GORASP2: variants seen among roughly 807,000 people sequenced by gnomAD.
The protein encoded by GORASP2 is Golgi reassembly-stacking protein 2.
In GORASP2, 22 loss-of-function variants were observed where a neutral mutation model predicts 45.7. That is an observed-to-expected ratio of 0.48 (90% CI 0.34 to 0.69). The LOEUF is 0.69. Among genes scored for constraint, GORASP2 ranks in the 30% least tolerant of loss-of-function variants. GORASP2 has a pLI of 0.01. For missense variants in GORASP2, 491 were observed against 562.7 expected, an observed-to-expected ratio of 0.87 and a Z score of 1.29; for synonymous variants, 221 against 215.6, an observed-to-expected ratio of 1.02 and a Z score of -0.22.
intron 5 of GORASP2, 82 bp downstream of exon 5, chr2:170,951,540 G>A: frequency 9.2e-7 from 1 of 1,091,002 alleles, no homozygotes; most frequent in South Asian, 1.7e-5. Flanking sequence ...TTTTTATTTT[G>A]AAAGAAATTA....
intron 1 of GORASP2, among the ~76,000 whole-genome samples, chr2:170,944,521 G>A (rs1048636311): frequency 1.2e-4 from 19 of 152,144 alleles, no homozygotes; most frequent in African/African-American, 4.6e-4. Flanking sequence ...GTTTATTTTA[G>A]AATTCAAATT....
At chr2:170,940,491 A>C (rs1235554451) in intron 1 of GORASP2, among the ~76,000 whole-genome samples, 1 of 152,244 alleles carries the variant, frequency 6.6e-6, no homozygotes, top group African/African-American at 2.4e-5. Flanking sequence ...GTAGTTGAAC[A>C]TTCTTAATCC....
chr2:170,937,391 A>G (rs568272921), intron 1 of GORASP2, among the ~76,000 whole-genome samples: 2 of 152,172 alleles, frequency 1.3e-5, no homozygotes, highest in African/African-American at 2.4e-5. Context: ...TGAAGGGACA[A>G]GGTCTCGCCA....
chr2:170,933,593 C>T (rs6433267), intron 1 of GORASP2, among the ~76,000 whole-genome samples: 1 of 152,044 alleles, frequency 6.6e-6, no homozygotes, highest in Non-Finnish European at 1.5e-5. Context: ...AAACAAGGTT[C>T]TCTAAAAAAT....
Position 170,966,049 on chromosome 2 carries a change from G to T in GORASP2, c.1278G>T (p.Glu426Asp), listed in dbSNP as rs1168726742. 6.2e-7 allele frequency: 1 copy of T among 1,614,066 alleles called. No individual in the cohort carries two copies. The highest frequency in any genetic ancestry group is 8.5e-7 in the Non-Finnish European group (1 of 1,179,958). ...CTGCCAAGGCCCCCACCACCGTTGA[G>T]GACAGAGTCGGCGACTCCACCCCAG... ...PPTAKAPTTV[E>D]DRVGDSTPVS... Residue 426 changes from glutamate to aspartate, a missense_variant, in exon 10 of 10, where the codon GAG becomes GAT. Around this residue, in one of 2 missense-constraint regions of GORASP2, gnomAD observed 297 missense variants for 292.3 expected, o/e 1.02. Transcript: ENST00000234160.
intron 1 of GORASP2, among the ~76,000 whole-genome samples, chr2:170,936,458 G>A (rs570708484): frequency 1.5e-4 from 23 of 152,024 alleles, no homozygotes; most frequent in Non-Finnish European, 1.0e-4. Flanking sequence ...GGGCTCAAGC[G>A]ATCCTCTCGT....
intron 1 of GORASP2, among the ~76,000 whole-genome samples, chr2:170,940,155 TAAGG>T (rs748432492): frequency 3.2e-4 from 48 of 152,200 alleles, no homozygotes; most frequent in Non-Finnish European, 4.9e-4. Context: ...TCAGAAAACT[TAAGG>T]AAGATAATTT....
rs778379039 is a variant in GORASP2, at chr2:170,961,742, A to C, written c.903A>C (p.Thr301=). The change falls in exon 8 of 10, where the codon ACA becomes ACC. Residue 301 remains threonine, a synonymous_variant. Transcript: ENST00000234160. ...TGCCACCAATGAATCCAGCTACTAC[A>C]TTACCAGGTAACCACCAGGGGACTA... is the stretch of plus-strand genomic sequence containing the variant. The part of the protein sequence containing the change: ...TSVPPMNPAT[T]LPGLMPLPAG... The C allele has an allele frequency of 6.5e-7, 1 of 1,539,506 alleles. No individual in the cohort carries two copies. The highest frequency in any genetic ancestry group is 2.2e-5 in the East Asian group (1 of 44,544).
At chr2:170,952,009 A>G (rs1704310775) in intron 5 of GORASP2, among the ~76,000 whole-genome samples, 1 of 152,256 alleles carries the variant, frequency 6.6e-6, no homozygotes, top group Non-Finnish European at 1.5e-5. Flanking sequence ...CCAGGTTTGT[A>G]AATGCCCAGA....
In GORASP2 at chr2:170,965,402, A is replaced by G. The variant is rs902490727; in HGVS notation, c.1019-388A>G. Among the ~76,000 whole-genome samples, 3 of 152,182 alleles carry G rather than the reference A, an allele frequency of 2.0e-5. No homozygotes were observed. In the South Asian group the frequency reaches 6.3e-4, roughly 32 times the overall value. On this transcript the variant is annotated intron_variant, in intron 9 of 9. Transcript: ENST00000234160. ...TCTCCCTGTTGTCTGTCAAGAATGC[A>G]GCTGTAACTCAGCTTGCAGCTGGCA...
At chr2:170,956,286 G>A in intron 6 of GORASP2, 150 bp from the exon 7 acceptor site, 1 of 606,700 alleles carries the variant, frequency 1.6e-6, no homozygotes, top group South Asian at 2.0e-5. Context: ...AATTAGGAGG[G>A]AGTGTCTGGA....
intron 1 of GORASP2, chr2:170,929,894 G>A (rs774922213): frequency 2.5e-5 from 10 of 405,770 alleles, no homozygotes; most frequent in African/African-American, 4.4e-5. Context: ...CGGCCGAGTG[G>A]CCTGAAAGAC....
rs1448276479 is a variant in GORASP2, at chr2:170,966,427, G to T, written c.*297G>T. On this transcript the variant is annotated 3_prime_UTR_variant, in exon 10 of 10. Transcript: ENST00000234160. The stretch of plus-strand genomic sequence containing the variant: ...CTGGGGGTGTGCATCTTCGGGAAAG[G>T]TGGTGGCGGGGCGTCCACTAGGTTT... 2 of 461,508 alleles carry T rather than the reference G, an allele frequency of 4.3e-6. No individual in the cohort carries two copies. Among genetic ancestry groups the T allele is most frequent in the Non-Finnish European group, 7.8e-6 (2 of 255,342 alleles). The allele number at this position is 461,508 out of a possible 1,614,324, so 28.6% of individuals were successfully genotyped here.
In GORASP2 at chr2:170,948,358, A is replaced by G; in HGVS notation, c.72A>G (p.Glu24=). The G allele has an allele frequency of 6.3e-7, 1 of 1,593,226 alleles. No homozygotes were observed. The highest frequency in any genetic ancestry group is 8.6e-7 in the Non-Finnish European group (1 of 1,163,754). The stretch of plus-strand genomic sequence containing the variant: ...CGTTTTTGTTTCCGCAGGTACAAGA[A>G]AATTCCCCAGGACACAGAGCTGGTT... ...TEGYHVLRVQ[E]NSPGHRAGLE... The change falls in exon 2 of 10, where the codon GAA becomes GAG. Residue 24 remains glutamate, a synonymous_variant. Transcript: ENST00000234160.
rs2105325610 is a variant in GORASP2, at chr2:170,956,453, T to C, written c.717T>C (p.Val239=). The part of the protein sequence containing the change: ...DGFTEVQLSS[V]NPPSLSPPGT... ...TTTGGAAGGTCCAGCTGTCCTCAGTTAATCCCCCGTCTTTGTCACCACCAG... is the reference window on the plus strand; with the variant it reads ...TTTGGAAGGTCCAGCTGTCCTCAGTCAATCCCCCGTCTTTGTCACCACCAG... Residue 239 remains valine (V), a synonymous_variant, in exon 7 of 10, where the codon GTT becomes GTC. Coordinates refer to ENST00000234160, the MANE Select transcript of GORASP2 (RefSeq NM_015530.5). The C allele has an allele frequency of 6.2e-7, 1 of 1,612,618 alleles. No homozygotes were observed. The highest frequency in any genetic ancestry group is 8.5e-7 in the Non-Finnish European group (1 of 1,179,504).
At position 170,929,285 on chromosome 2, in the gene GORASP2, C is replaced by A. The variant is rs892994598; in HGVS notation, c.-56C>A. On this transcript the variant is annotated 5_prime_UTR_variant, in exon 1 of 10. Coordinates refer to ENST00000234160, the MANE Select transcript of GORASP2 (RefSeq NM_015530.5). ...ACGCGGAGGATTAGAGCAGGCGGTG[C>A]GCTGGGGGCGGGAGCAGCGCGGAGC... The A allele has an allele frequency of 9.1e-5, 116 of 1,277,434 alleles. No individual in the cohort carries two copies. In the African/African-American group the frequency reaches 1.7e-3, roughly 19 times the overall value. 79.1% of individuals were successfully genotyped at this position (1,277,434 alleles called of 1,614,324 possible).
chr2:170,942,225 A>G (rs2105316158), intron 1 of GORASP2, among the ~76,000 whole-genome samples: 1 of 152,252 alleles, frequency 6.6e-6, no homozygotes, highest in East Asian at 1.9e-4. Flanking sequence ...CTTTATTGTG[A>G]TAAAAGTTAC....
intron 1 of GORASP2, among the ~76,000 whole-genome samples, chr2:170,938,614 A>AT (rs1400477124): frequency 6.6e-6 from 1 of 152,192 alleles, no homozygotes; most frequent in East Asian, 1.9e-4. Context: ...GATTTTCTTC[A>AT]TTGTAGAATC....
Position 170,950,745 on chromosome 2 carries a change from G to T in GORASP2, c.435+455G>T, listed in dbSNP as rs1179690688. Among the ~76,000 whole-genome samples, 7 of 152,306 alleles carry T rather than the reference G, an allele frequency of 4.6e-5. No homozygotes were observed. In the South Asian group the frequency reaches 1.4e-3, roughly 32 times the overall value. On this transcript the variant is annotated intron_variant, in intron 4 of 9. Coordinates refer to ENST00000234160, the MANE Select transcript of GORASP2 (RefSeq NM_015530.5). ...GCCCATAATCTCAGCACTTTGGGAG[G>T]CCGAGATGGGAGAATTACTTGAGCT...
Sources: allele counts gnomAD v4.1 joint callset (sites outside exome capture counted in the v4.1 genomes callset), GRCh38; gene constraint gnomAD v4.1.1; regional missense constraint gnomAD v4.1.1; transcripts MANE v1.5; gene names NCBI Gene and HGNC (gene_info 2026-07-23, HGNC 2026-07-21).